Variants in CUBN observed in about 807,000 individuals in gnomAD.
CUBN encodes 460 kDa receptor.
Under a neutral mutation model 405.3 loss-of-function variants are expected in CUBN, and 282 were observed. That is an observed-to-expected ratio of 0.70 (90% CI 0.63 to 0.77). The LOEUF is 0.77. Ranked by LOEUF, CUBN falls within the 30% of genes least tolerant of loss-of-function variation. The pLI is 0.00. For missense variants in CUBN, 4,514 were observed against 4,475.2 expected, an observed-to-expected ratio of 1.01 and a Z score of -0.25; for synonymous variants, 1,684 against 1,617.0, an observed-to-expected ratio of 1.04 and a Z score of -0.99.
chr10:16,951,440 G>A (rs1275725155), intron 33 of CUBN, among the ~76,000 whole-genome samples: 1 of 152,162 alleles, frequency 6.6e-6, no homozygotes, highest in Non-Finnish European at 1.5e-5. Flanking sequence ...TCACACAGGC[G>A]ATTAATTACT....
rs1397159059 is a variant in CUBN at position 16,835,032 on chromosome 10, G to T, written c.10344C>A (p.Cys3448Ter). Residue 3448 changes from cysteine (C) to a stop codon, truncating the protein, a stop_gained, in exon 64 of 67, where the codon TGC becomes TGA. Coordinates refer to ENST00000377833, the MANE Select transcript of CUBN (RefSeq NM_001081.4). LOFTEE classifies it high-confidence loss of function. Reference sequence around the variant, plus strand: ...ATATCACCTCCAAGAAATCGTTTCTGCATTCAACTGAGTTCTCGATGCCAA... The same window carrying T: ...ATATCACCTCCAAGAAATCGTTTCTTCATTCAACTGAGTTCTCGATGCCAA... ...HSLGIENSVECRNDFLEVRNG... is the reference protein window; with the variant it reads ...HSLGIENSVE 2.5e-6 allele frequency: 4 copies of T among 1,614,024 alleles called. 1 individual carries two copies. The African/African-American group carries it at 4.0e-5, about 16-fold the overall frequency.
intron 5 of CUBN, 90 bp from the exon 6 acceptor site, chr10:17,122,988 GT>G: frequency 1.2e-6 from 1 of 869,070 alleles, no homozygotes; most frequent in Admixed American, 1.8e-5. Flanking sequence ...GGATTTATAC[GT>G]GGACAGTATA....
intron 59 of CUBN, 129 bp downstream of exon 59, chr10:16,869,506 AT>A: frequency 1.3e-6 from 1 of 760,040 alleles, no homozygotes; most frequent in Non-Finnish European, 2.3e-6. Context: ...AAGCCCTTAC[AT>A]GGCATATTCT....
intron 60 of CUBN, among the ~76,000 whole-genome samples, chr10:16,848,689 CCTTTTTTTTTT>C (rs1404712505): frequency 3.0e-4 from 10 of 33,856 alleles, no homozygotes; most frequent in African/African-American, 5.9e-4. Context: ...TCTCTCCCAG[CCTTTTTTTTTT>C]TTTTTTTTTT....
intron 28 of CUBN, among the ~76,000 whole-genome samples, chr10:17,007,960 G>A (rs1834070493): frequency 6.6e-6 from 1 of 152,082 alleles, no homozygotes; most frequent in Admixed American, 6.5e-5. Flanking sequence ...TTTGAGACCA[G>A]CCTGGAAAAC....
intron 59 of CUBN, among the ~76,000 whole-genome samples, chr10:16,856,965 T>C (rs1463226276): frequency 6.6e-6 from 1 of 152,152 alleles, no homozygotes; most frequent in Non-Finnish European, 1.5e-5. Context: ...GCATTATCCT[T>C]TTTTGGAATC....
At chr10:16,972,938 GCTACCATCTT>G (rs1832976773) in intron 31 of CUBN, among the ~76,000 whole-genome samples, 4 of 152,058 alleles carry the variant, frequency 2.6e-5, no homozygotes, top group Admixed American at 2.6e-4. Context: ...AAACAGACAT[GCTACCATCTT>G]TCTTTTTCTC....
chr10:16,825,628 AGTGTGTGTGTGTGTGTGTGTGTGTGTGT>A (rs377156071), intron 66 of CUBN, among the ~76,000 whole-genome samples: 1 of 135,926 alleles, frequency 7.4e-6, no homozygotes, highest in African/African-American at 2.8e-5. Context: ...TCTGTGGAAC[AGTGTGTGTGTGTGTGTGTGTGTGTGTGT>A]GTGTGTGTGT....
intron 27 of CUBN, among the ~76,000 whole-genome samples, chr10:17,026,772 A>T (rs900181113): frequency 6.6e-5 from 10 of 152,262 alleles, no homozygotes; most frequent in Admixed American, 6.5e-4. Flanking sequence ...AAGGCTGATA[A>T]GCAGAGCATG....
intron 60 of CUBN, among the ~76,000 whole-genome samples, chr10:16,842,581 C>T (rs1839385903): frequency 6.6e-6 from 1 of 152,150 alleles, no homozygotes; most frequent in Admixed American, 6.5e-5. Flanking sequence ...GGCTCCATCT[C>T]CAGGTGATCT....
At chr10:17,090,826 T>TAAAAAAAAAAAA (rs59564374) in intron 14 of CUBN, among the ~76,000 whole-genome samples, 1 of 94,012 alleles carries the variant, frequency 1.1e-5, no homozygotes, top group African/African-American at 3.2e-5. Context: ...AAATGTAAAG[T>TAAAAAAAAAAAA]AAAAAAAAAA....
intron 62 of CUBN, among the ~76,000 whole-genome samples, chr10:16,836,955 G>C (rs1307002492): frequency 6.6e-6 from 1 of 152,078 alleles, no homozygotes; most frequent in Non-Finnish European, 1.5e-5. Context: ...ATCAGTTCTT[G>C]GGTAAAAACA....
At chr10:17,051,534 T>G (rs932496491) in intron 22 of CUBN, among the ~76,000 whole-genome samples, 1 of 152,034 alleles carries the variant, frequency 6.6e-6, no homozygotes. Flanking sequence ...TAAAAATATG[T>G]GCAAAGACTT....
At chr10:17,078,887 T>C (rs555905049) in intron 17 of CUBN, among the ~76,000 whole-genome samples, 1 of 152,198 alleles carries the variant, frequency 6.6e-6, no homozygotes, top group East Asian at 1.9e-4. Flanking sequence ...TCCATCCATA[T>C]CCTCTTATTC....
At position 16,918,631 on chromosome 10, in the gene CUBN, A is replaced by ACTTGG; in HGVS notation, c.6986_6990dup (p.Tyr2331ProfsTer5). The stretch of plus-strand genomic sequence containing the variant: ...TTAAAAAAATTATTACCTATAGAAT[A>ACTTGG]CTTGGCCTTGAATCCCACATGTGTG... On this transcript the variant is annotated frameshift_variant, in exon 45 of 67. Transcript: ENST00000377833. LOFTEE classifies it high-confidence loss of function. The ACTTGG allele has an allele frequency of 6.2e-7, 1 of 1,613,336 alleles. No individual in the cohort carries two copies.
At chr10:17,020,086 T>G in intron 27 of CUBN, 103 bp from the exon 28 acceptor site, 1 of 1,323,628 alleles carries the variant, frequency 7.6e-7, no homozygotes, top group Non-Finnish European at 1.1e-6. Flanking sequence ...GTTCAAAAGT[T>G]AGAGGTAAAT....
intron 36 of CUBN, among the ~76,000 whole-genome samples, chr10:16,940,501 T>A (rs1316309572): frequency 6.6e-6 from 1 of 151,984 alleles, no homozygotes; most frequent in African/African-American, 2.4e-5. Flanking sequence ...AGAAAAAAAA[T>A]ATATAAGGCA....
At chr10:16,834,508 A>G (rs1224198222) in intron 64 of CUBN, among the ~76,000 whole-genome samples, 1 of 152,206 alleles carries the variant, frequency 6.6e-6, no homozygotes, top group Non-Finnish European at 1.5e-5. Flanking sequence ...CCCTGAGACC[A>G]GGGAGCATTT....
rs150358307 is a variant in CUBN at position 16,840,334 on chromosome 10, G to A, written c.10028C>T (p.Pro3343Leu). ...TQNYLQLQDSPQGHGNSRFQF... is the reference protein window; with the variant it reads ...TQNYLQLQDSLQGHGNSRFQF... ...CATTCATCTTATAATTGTTACCTGC[G>A]GTGAGTCCTGAAGCTGTAAGTAATT... The change falls in exon 62 of 67, where the codon CCG becomes CTG. Residue 3343 changes from proline (P) to leucine (L), a missense_variant. Physicochemically the swap from Pro to Leu is moderately conservative, Grantham distance 98. Coordinates refer to ENST00000377833, the MANE Select transcript of CUBN (RefSeq NM_001081.4). 1.5e-4 allele frequency: 235 copies of A among 1,613,508 alleles called. 2 individuals are homozygous for A. In the South Asian group the frequency reaches 1.5e-3, roughly 10 times the overall value.
Sources: gnomAD v4.1 joint callset for allele counts (sites outside exome capture counted in the v4.1 genomes callset) on GRCh38, gnomAD v4.1.1 for gene constraint, MANE v1.5 for transcripts, NCBI Gene and HGNC (gene_info 2026-07-23, HGNC 2026-07-21) for gene names.